The following LRP1B variants were observed in gnomAD, a reference collection of about 807,000 sequenced individuals.
LRP1B encodes low-density lipoprotein receptor-related protein 1B.
Under a neutral mutation model 556.6 loss-of-function variants are expected in LRP1B, and 217 were observed. The observed-to-expected ratio is 0.39, with a 90% CI of 0.35 to 0.44. The LOEUF (loss-of-function observed/expected upper bound fraction) is 0.44. LRP1B is among the 20% of genes least tolerant of loss of function. The probability of loss-of-function intolerance (pLI) is 1.00; values close to 1 mark genes in which losing one functional copy is unlikely to be tolerated. For missense variants in LRP1B, 5,053 were observed against 5,620.8 expected (o/e 0.90, Z 3.23); for synonymous variants, 2,047 against 1,865.8 (o/e 1.10, Z -2.50).
rs1179334767 is a variant in LRP1B, at chr2:141,444,537, C to T, written c.343+35859G>A. Reference sequence around the variant, plus strand: ...AAAGGGAATGCTTCCAGCTTTTGCCCATTCAGTATCATATTGTCTGGGGGT... The same window carrying T: ...AAAGGGAATGCTTCCAGCTTTTGCCTATTCAGTATCATATTGTCTGGGGGT... On this transcript the variant is annotated intron_variant, in intron 3 of 90. Coordinates refer to ENST00000389484, the MANE Select transcript of LRP1B (RefSeq NM_018557.3). Among the ~76,000 whole-genome samples the T allele has an allele frequency of 2.0e-5, 3 of 152,108 alleles. 1 individual carries two copies. The highest frequency in any genetic ancestry group is 1.5e-5 in the Non-Finnish European group (1 of 68,014).
intron 41 of LRP1B, among the ~76,000 whole-genome samples, chr2:140,629,361 C>T (rs536639039): frequency 6.6e-6 from 1 of 152,006 alleles, no homozygotes; most frequent in East Asian, 1.9e-4. Context: ...AGCCACTATG[C>T]TGGGCATCAT....
At chr2:141,349,182 T>C (rs1255823996) in intron 3 of LRP1B, among the ~76,000 whole-genome samples, 3 of 152,052 alleles carry the variant, frequency 2.0e-5, no homozygotes, top group Admixed American at 2.0e-4. Flanking sequence ...ATTTCAAGTA[T>C]TTCCTCACTA....
intron 7 of LRP1B, among the ~76,000 whole-genome samples, chr2:141,125,854 A>C (rs1278680158): frequency 8.7e-5 from 13 of 148,910 alleles, no homozygotes; most frequent in South Asian, 2.1e-4. Flanking sequence ...CAAAAAAAAA[A>C]AAAAAAACAA....
chr2:140,271,120 CA>C (rs1486695922), intron 85 of LRP1B, among the ~76,000 whole-genome samples: 1 of 151,834 alleles, frequency 6.6e-6, no homozygotes, highest in African/African-American at 2.4e-5. Flanking sequence ...AAAACGCAGA[CA>C]TTTTTTACTT....
chr2:141,279,364 G>A (rs1463514435), intron 3 of LRP1B, among the ~76,000 whole-genome samples: 1 of 151,986 alleles, frequency 6.6e-6, no homozygotes. Context: ...AAGTCTTACA[G>A]TAAATCCTTT....
chr2:141,136,022 C>A (rs1701483437), intron 7 of LRP1B, among the ~76,000 whole-genome samples: 1 of 151,834 alleles, frequency 6.6e-6, no homozygotes, highest in African/African-American at 2.4e-5. Context: ...GGAGAGTGGA[C>A]TATATTAATT....
intron 1 of LRP1B, among the ~76,000 whole-genome samples, chr2:142,016,663 C>T (rs1173464866): frequency 3.3e-5 from 5 of 151,592 alleles, no homozygotes; most frequent in African/African-American, 9.7e-5. Flanking sequence ...GAACATCATA[C>T]ACTGGGGCCT....
chr2:141,628,553 T>A (rs1390385538), intron 2 of LRP1B, among the ~76,000 whole-genome samples: 1 of 152,178 alleles, frequency 6.6e-6, no homozygotes, highest in Non-Finnish European at 1.5e-5. Flanking sequence ...GTAAACATGA[T>A]GAACAAGGTA....
At chr2:141,512,714 G>A (rs185317359) in intron 2 of LRP1B, among the ~76,000 whole-genome samples, 31 of 152,144 alleles carry the variant, frequency 2.0e-4, no homozygotes, top group African/African-American at 7.2e-4. Context: ...GGTGAGAAAA[G>A]CACTGTTACT....
rs537334506 is a variant in LRP1B at position 141,184,049 on chromosome 2, C to CT, written c.1013+4371dup. Among the ~76,000 whole-genome samples the CT allele has an allele frequency of 3.9e-3, 597 of 152,120 alleles. 6 individuals are homozygous for CT. The highest frequency in any genetic ancestry group is 0.013 in the African/African-American group (558 of 41,524). On this transcript the variant is annotated intron_variant, in intron 7 of 90. Transcript: ENST00000389484. ...CACAGCTTAGGAACAAAATTGTAGA[C>CT]TAGCTCCACCCCTGACCTCAGTTAC...
chr2:141,717,499 T>A (rs1462703345), intron 2 of LRP1B, among the ~76,000 whole-genome samples: 1 of 152,216 alleles, frequency 6.6e-6, no homozygotes, highest in Non-Finnish European at 1.5e-5. Context: ...CACCTTGGCT[T>A]GCCAATATAA....
intron 1 of LRP1B, among the ~76,000 whole-genome samples, chr2:142,095,038 GGTTA>G (rs1442717883): frequency 6.6e-6 from 1 of 151,546 alleles, no homozygotes; most frequent in African/African-American, 2.4e-5. Context: ...TAGGTACTGT[GGTTA>G]GTTAGAATAT....
chr2:141,848,542 G>A (rs1023949739), intron 1 of LRP1B, among the ~76,000 whole-genome samples: 3 of 151,372 alleles, frequency 2.0e-5, no homozygotes, highest in African/African-American at 7.3e-5. Flanking sequence ...CAGGAGAAGT[G>A]CAGCCAAAAC....
chr2:141,736,404 C>G (rs192704928), intron 2 of LRP1B, among the ~76,000 whole-genome samples: 46 of 152,212 alleles, frequency 3.0e-4, no homozygotes, highest in African/African-American at 1.1e-3. Flanking sequence ...CGAGTTGACC[C>G]TAATTCAGTA....
At chr2:141,744,781 G>C (rs1025917813) in intron 2 of LRP1B, among the ~76,000 whole-genome samples, 3 of 152,156 alleles carry the variant, frequency 2.0e-5, no homozygotes, top group Non-Finnish European at 4.4e-5. Flanking sequence ...GCATTGAAGA[G>C]TTAGGTATTT....
At chr2:140,786,170 C>T (rs1220471738) in intron 32 of LRP1B, among the ~76,000 whole-genome samples, 3 of 152,184 alleles carry the variant, frequency 2.0e-5, no homozygotes, top group African/African-American at 7.2e-5. Context: ...GCTTAATTTT[C>T]CATCTCCAGA....
At chr2:140,581,348 C>T (rs1424803820) in intron 43 of LRP1B, among the ~76,000 whole-genome samples, 2 of 152,128 alleles carry the variant, frequency 1.3e-5, no homozygotes, top group East Asian at 1.9e-4. Context: ...TTAACTATTT[C>T]TTTTCCAACT....
intron 7 of LRP1B, among the ~76,000 whole-genome samples, chr2:141,181,228 T>C (rs1378914303): frequency 1.3e-5 from 2 of 151,862 alleles, no homozygotes; most frequent in African/African-American, 4.8e-5. Flanking sequence ...TCCCTGGAAC[T>C]TCAATAGATA....
Position 140,313,215 on chromosome 2 carries a change from CAT to C in LRP1B, c.12805+1718_12805+1719del, listed in dbSNP as rs1428392236. Among the ~76,000 whole-genome samples, 6 of 151,968 alleles carry C rather than the reference CAT, an allele frequency of 3.9e-5. No individual in the cohort carries two copies. In the East Asian group the frequency reaches 7.7e-4, roughly 20 times the overall value. ...TAAAATAAACTGCATGTCTGTATCT[CAT>C]ATTGAATCCATATGAGAACTAATTT... On this transcript the variant is annotated intron_variant, in intron 83 of 90. Coordinates refer to ENST00000389484, the MANE Select transcript of LRP1B (RefSeq NM_018557.3).
Sources: allele counts gnomAD v4.1 joint callset (sites outside exome capture counted in the v4.1 genomes callset), GRCh38; gene constraint gnomAD v4.1.1; transcripts MANE v1.5; gene names NCBI Gene and HGNC (gene_info 2026-07-23, HGNC 2026-07-21).